The following NAV3 variants were observed in gnomAD, a reference collection of about 807,000 sequenced individuals.
NAV3 encodes pore membrane and/or filament interacting like protein 1.
Under a neutral mutation model 244.7 loss-of-function variants are expected in NAV3, and 87 were observed. That is an observed-to-expected ratio of 0.36 (90% CI 0.30 to 0.42). The LOEUF (loss-of-function observed/expected upper bound fraction) is 0.42. Among genes scored for constraint, NAV3 ranks in the 20% least tolerant of loss-of-function variants. NAV3 has a pLI of 1.00. For missense variants in NAV3, 2,663 were observed against 2,893.3 expected (o/e 0.92, Z 1.83); for synonymous variants, 1,126 against 1,042.2 (o/e 1.08, Z -1.55).
At chr12:77,960,470 C>T (rs199666389) in intron 3 of NAV3, among the ~76,000 whole-genome samples, 2 of 130,580 alleles carry the variant, frequency 1.5e-5, no homozygotes, top group African/African-American at 2.9e-5. Flanking sequence ...CACACACACA[C>T]ATATACATAA....
chr12:78,101,493 C>G (rs989352650), intron 12 of NAV3, among the ~76,000 whole-genome samples: 2 of 151,870 alleles, frequency 1.3e-5, no homozygotes, highest in Non-Finnish European at 2.9e-5. Context: ...TTTTGTAGGT[C>G]GAGAGTAAGG....
intron 1 of NAV3, among the ~76,000 whole-genome samples, chr12:77,843,403 G>A (rs2136187200): frequency 6.6e-6 from 1 of 151,970 alleles, no homozygotes; most frequent in African/African-American, 2.4e-5. Flanking sequence ...TCATTTGTGT[G>A]TGTGTGTGTG....
At chr12:77,814,444 A>T (rs1348924549) in intron 2 of NAV3, among the ~76,000 whole-genome samples, 1 of 152,192 alleles carries the variant, frequency 6.6e-6, no homozygotes, top group Non-Finnish European at 1.5e-5. Context: ...AAATAAAGCC[A>T]TGGAGATCTT....
At chr12:77,983,884 A>G (rs1232021640) in intron 5 of NAV3, among the ~76,000 whole-genome samples, 1 of 152,210 alleles carries the variant, frequency 6.6e-6, no homozygotes, top group Non-Finnish European at 1.5e-5. Context: ...TTATTCCTGG[A>G]ATCTAGATAC....
chr12:77,778,651 C>T (rs185984366), intron 2 of NAV3, among the ~76,000 whole-genome samples: 1 of 145,414 alleles, frequency 6.9e-6, no homozygotes, highest in East Asian at 2.0e-4. Context: ...TTTATATTAA[C>T]AATGGGAAAG....
At chr12:77,647,032 C>T (rs529038792) in intron 2 of NAV3, among the ~76,000 whole-genome samples, 1 of 150,222 alleles carries the variant, frequency 6.7e-6, no homozygotes, top group South Asian at 2.1e-4. Flanking sequence ...TACACACACA[C>T]ATATATACAT....
At chr12:78,181,148 C>A (rs574117274) in intron 30 of NAV3, 103 bp downstream of exon 30, 286 of 1,005,148 alleles carry the variant, frequency 2.8e-4, no homozygotes, top group Non-Finnish European at 3.8e-4. Context: ...AAATGTTACA[C>A]TCTAATTCTC....
chr12:78,174,809 C>T (rs538699633), intron 24 of NAV3, among the ~76,000 whole-genome samples: 13 of 152,000 alleles, frequency 8.6e-5, no homozygotes, highest in African/African-American at 2.9e-4. Context: ...AGATTATGTG[C>T]TTACATGACT....
chr12:77,769,559 AG>A (rs1483175920), intron 2 of NAV3, among the ~76,000 whole-genome samples: 1 of 152,252 alleles, frequency 6.6e-6, no homozygotes, highest in Non-Finnish European at 1.5e-5. Context: ...TATCAAACAA[AG>A]TCATAGGAAT....
At chr12:77,922,060 A>G (rs765274348) in intron 1 of NAV3, among the ~76,000 whole-genome samples, 1 of 152,158 alleles carries the variant, frequency 6.6e-6, no homozygotes, top group Non-Finnish European at 1.5e-5. Flanking sequence ...CTATCTCTGA[A>G]TCTTTGTGTC....
At chr12:77,580,058 G>A (rs376980574) in intron 2 of NAV3, among the ~76,000 whole-genome samples, 10 of 152,216 alleles carry the variant, frequency 6.6e-5, no homozygotes, top group African/African-American at 2.4e-4. Context: ...TTACTATGGG[G>A]CCCCAGCAGT....
At chr12:78,158,782 C>T (rs1294136517) in intron 22 of NAV3, among the ~76,000 whole-genome samples, 1 of 152,126 alleles carries the variant, frequency 6.6e-6, no homozygotes, top group Non-Finnish European at 1.5e-5. Flanking sequence ...CTGCAAAGGT[C>T]ATCATGAAAG....
chr12:77,712,927 G>A (rs140500845), intron 2 of NAV3, among the ~76,000 whole-genome samples: 73 of 152,288 alleles, frequency 4.8e-4, no homozygotes, highest in African/African-American at 1.6e-3. Flanking sequence ...TCTCAGCAAG[G>A]TGAGCAAGTG....
intron 2 of NAV3, among the ~76,000 whole-genome samples, chr12:77,738,950 T>C (rs942806702): frequency 1.4e-5 from 2 of 138,474 alleles, no homozygotes; most frequent in Non-Finnish European, 3.0e-5. Flanking sequence ...AGGCGGAGCT[T>C]GCAGTGAGCC....
chr12:77,742,224 A>G (rs769897687), intron 2 of NAV3, among the ~76,000 whole-genome samples: 20 of 151,948 alleles, frequency 1.3e-4, no homozygotes, highest in African/African-American at 4.1e-4. Flanking sequence ...AGTTTGATGT[A>G]TATGTTAGGG....
chr12:77,952,247 C>A (rs1890971014), intron 3 of NAV3, among the ~76,000 whole-genome samples: 1 of 151,998 alleles, frequency 6.6e-6, no homozygotes, highest in Non-Finnish European at 1.5e-5. Context: ...TCCAGCTTAT[C>A]AATTATTTAT....
intron 22 of NAV3, among the ~76,000 whole-genome samples, chr12:78,149,170 T>A (rs1373575264): frequency 6.6e-6 from 1 of 152,114 alleles, no homozygotes; most frequent in African/African-American, 2.4e-5. Flanking sequence ...AACAGCCATA[T>A]GGGTTACTTC....
chr12:77,900,313 T>C (rs1256522719), intron 1 of NAV3, among the ~76,000 whole-genome samples: 1 of 152,064 alleles, frequency 6.6e-6, no homozygotes, highest in Non-Finnish European at 1.5e-5. Context: ...CCTGACCTCA[T>C]GATCTGCCCG....
chr12:78,023,752 T>C (rs995899696), intron 9 of NAV3, among the ~76,000 whole-genome samples: 6 of 152,216 alleles, frequency 3.9e-5, no homozygotes, highest in Admixed American at 3.9e-4. Context: ...AGTGATAAGA[T>C]GACTATCACA....
Sources: gnomAD v4.1 joint callset for allele counts (sites outside exome capture counted in the v4.1 genomes callset) on GRCh38, gnomAD v4.1.1 for gene constraint, MANE v1.5 for transcripts, NCBI Gene and HGNC (gene_info 2026-07-23, HGNC 2026-07-21) for gene names.